The following LAMB4 variants were observed in gnomAD, a reference collection of about 807,000 sequenced individuals.
LAMB4 encodes laminin subunit beta 4, also known as laminin subunit beta-4.
Under a neutral mutation model 199.2 loss-of-function variants are expected in LAMB4, and 196 were observed. The ratio of observed to expected loss-of-function variants is 0.98; its 90% CI spans 0.88 to 1.11. The LOEUF (loss-of-function observed/expected upper bound fraction) is 1.11, where lower values mean the gene tolerates loss of function less well. Among genes scored for constraint, LAMB4 ranks in the 50% least tolerant of loss-of-function variants. The probability of loss-of-function intolerance (pLI) is 0.00; values close to 1 mark genes in which losing one functional copy is unlikely to be tolerated. For missense variants in LAMB4, 2,080 were observed against 2,171.2 expected (o/e 0.96, Z 0.83); for synonymous variants, 744 against 770.6 (o/e 0.97, Z 0.57).
chr7:108,094,574 TG>T (rs1421270038), intron 12 of LAMB4, among the ~76,000 whole-genome samples: 18 of 128,110 alleles, frequency 1.4e-4, no homozygotes, highest in Non-Finnish European at 3.5e-5. Flanking sequence ...TAAGATTTTG[TG>T]GGTTTTTTTT....
At position 108,065,852 on chromosome 7, in the gene LAMB4, C is replaced by T; in HGVS notation, c.2746G>A (p.Asp916Asn). 1 of 1,614,046 alleles carries T rather than the reference C, an allele frequency of 6.2e-7. No individual in the cohort carries two copies. Among genetic ancestry groups the T allele is most frequent in the Non-Finnish European group, 8.5e-7 (1 of 1,179,912 alleles). Residue 916 changes from aspartate (D) to asparagine (N), a missense_variant, in exon 21 of 34, where the codon GAT becomes AAT. Physicochemically the swap from Asp to Asn is conservative, Grantham distance 23. Coordinates refer to ENST00000388781, the MANE Select transcript of LAMB4 (RefSeq NM_007356.3). ...QPCRPCLCPDDPSSNQYFAHS... is the reference protein window; with the variant it reads ...QPCRPCLCPDNPSSNQYFAHS... ...GCAAAATACTGATTGCTTGAGGGAT[C>T]ATCTGGACACAGGCAAGGACGACAG... is the stretch of plus-strand genomic sequence containing the variant.
intron 10 of LAMB4, among the ~76,000 whole-genome samples, chr7:108,102,184 A>G (rs535159498): frequency 3.3e-5 from 5 of 152,240 alleles, no homozygotes; most frequent in Non-Finnish European, 5.9e-5. Context: ...AGAAAAATGA[A>G]CAAATAAGTT....
At position 108,107,648 on chromosome 7, in the gene LAMB4, G is replaced by A; in HGVS notation, c.574C>T (p.Pro192Ser). The part of the protein sequence containing the change: ...VCDSKYSDIE[P>S]STGGEVVLKV... ...AATGCTACCTCTCCACCTGTTGAGG[G>A]TTCAATATCCGAGTATTTGGAGTCA... is the stretch of plus-strand genomic sequence containing the variant. Residue 192 changes from proline to serine, a missense_variant, in exon 6 of 34, where the codon CCC (proline) becomes TCC (serine). Physicochemically the swap from Pro to Ser is moderately conservative, Grantham distance 74 (BLOSUM62 -1). Coordinates refer to ENST00000388781, the MANE Select transcript of LAMB4 (RefSeq NM_007356.3). 1 of 1,608,728 alleles carries A rather than the reference G, an allele frequency of 6.2e-7. No individual in the cohort carries two copies. Among genetic ancestry groups the A allele is most frequent in the Non-Finnish European group, 8.5e-7 (1 of 1,178,042 alleles).
At chr7:108,022,799 T>G (rs1295619227), downstream of LAMB4, among the ~76,000 whole-genome samples, 1 of 152,158 alleles carries the variant, frequency 6.6e-6, no homozygotes, top group Non-Finnish European at 1.5e-5. Flanking sequence ...GTTGAATTTT[T>G]AAATCTTTTT....
chr7:108,034,210 G>A lies in LAMB4; in HGVS notation c.4816C>T (p.Gln1606Ter). The change falls in exon 31 of 34, where the codon CAG (glutamine) becomes TAG (stop). Residue 1606 changes from glutamine (Q) to a stop codon, truncating the protein, a stop_gained and splice_region_variant. Coordinates refer to ENST00000388781, the MANE Select transcript of LAMB4 (RefSeq NM_007356.3). LOFTEE classifies it high-confidence loss of function. The part of the protein sequence containing the change: ...NITKIKKNVL[Q>*]AENQTREMKS... ...TTAGTTTCAAAGAAGACAAATACCT[G>A]CAGCACATTCTTTTTTATTTTTGTT... The A allele has an allele frequency of 6.2e-7, 1 of 1,613,924 alleles. No homozygotes were observed. Among genetic ancestry groups the A allele is most frequent in the Non-Finnish European group, 8.5e-7 (1 of 1,179,924 alleles).
intron 4 of LAMB4, among the ~76,000 whole-genome samples, chr7:108,111,313 A>G (rs2038215543): frequency 6.6e-6 from 1 of 152,262 alleles, no homozygotes; most frequent in Admixed American, 6.5e-5. Context: ...GGCATACTTC[A>G]GTCCGTAGCC....
chr7:108,092,422 G>C lies in LAMB4; in HGVS notation c.1471-6C>G. On this transcript the variant is annotated splice_polypyrimidine_tract_variant and splice_region_variant and intron_variant, in intron 12 of 33. Coordinates refer to ENST00000388781, the MANE Select transcript of LAMB4 (RefSeq NM_007356.3). Reference sequence around the variant, plus strand: ...CCCAGGCCCCAGTATCCAACCTACAGAGAAAAAATGCTCAGCTGATTCCAG... The same window carrying C: ...CCCAGGCCCCAGTATCCAACCTACACAGAAAAAATGCTCAGCTGATTCCAG... 3 of 1,611,032 alleles carry C rather than the reference G, an allele frequency of 1.9e-6. No homozygotes were observed. The East Asian group carries it at 6.7e-5, about 36-fold the overall frequency.
chr7:108,042,514 C>T (rs1469890275), intron 29 of LAMB4, among the ~76,000 whole-genome samples: 1 of 151,942 alleles, frequency 6.6e-6, no homozygotes, highest in Admixed American at 6.6e-5. Context: ...TTAGTTCAGC[C>T]TATTCCTAGA....
chr7:108,019,516 G>A (rs1340282661), downstream of LAMB4, among the ~76,000 whole-genome samples: 1 of 152,016 alleles, frequency 6.6e-6, no homozygotes, highest in Non-Finnish European at 1.5e-5. Context: ...GGATGTGGAC[G>A]TCTTTTGGGG....
intron 26 of LAMB4, among the ~76,000 whole-genome samples, chr7:108,051,238 T>C (rs922406459): frequency 2.0e-5 from 3 of 152,232 alleles, no homozygotes; most frequent in African/African-American, 7.2e-5. Context: ...TTGCTAGAAT[T>C]TGTTTCACTA....
At chr7:108,031,079 G>A (rs1487159097) in intron 31 of LAMB4, 100 bp from the exon 32 acceptor site, 3 of 909,862 alleles carry the variant, frequency 3.3e-6, no homozygotes, top group Non-Finnish European at 4.8e-6. Flanking sequence ...TGGGTGTAAA[G>A]GAAAAGAAAA....
chr7:108,123,856 G>A (rs1410894227), intron 1 of LAMB4, among the ~76,000 whole-genome samples: 1 of 152,150 alleles, frequency 6.6e-6, no homozygotes, highest in Non-Finnish European at 1.5e-5. Context: ...CTCCTATAAA[G>A]CAAACTTGTG....
intron 2 of LAMB4, among the ~76,000 whole-genome samples, chr7:108,121,414 C>T (rs2038592998): frequency 1.3e-5 from 2 of 152,128 alleles, no homozygotes; most frequent in South Asian, 2.1e-4. Context: ...GATGTAAACA[C>T]ATGTTTATAC....
the LAMB4 span, among the ~76,000 whole-genome samples, chr7:108,017,147 A>C: frequency 1.3e-5 from 2 of 152,334 alleles, no homozygotes; most frequent in South Asian, 4.1e-4. Flanking sequence ...TGGCAAGCTT[A>C]CTTTGTATCA....
At chr7:108,066,745 A>T in intron 19 of LAMB4, 145 bp from the exon 20 acceptor site, 1 of 576,102 alleles carries the variant, frequency 1.7e-6, no homozygotes, top group Non-Finnish European at 3.1e-6. Context: ...GCATATAATG[A>T]GTTCCAGGTA....
chr7:108,085,532 T>C (rs399290), intron 14 of LAMB4, among the ~76,000 whole-genome samples: 44,843 of 152,164 alleles, frequency 0.29, 7,922 homozygotes, highest in East Asian at 0.44. Context: ...TAAAGCTTTA[T>C]ATGTTAGTAC....
chr7:108,069,242 G>A (rs1477752919), intron 18 of LAMB4, among the ~76,000 whole-genome samples: 1 of 152,228 alleles, frequency 6.6e-6, no homozygotes, highest in African/African-American at 2.4e-5. Context: ...AGGATCTGCA[G>A]GGCTGCTGCT....
chr7:108,065,744 A>T lies in LAMB4; in HGVS notation c.2836+18T>A. 1.2e-6 allele frequency: 2 copies of T among 1,602,038 alleles called. No homozygotes were observed. Among genetic ancestry groups the T allele is most frequent in the Non-Finnish European group, 1.7e-6 (2 of 1,172,584 alleles). On this transcript the variant is annotated intron_variant, in intron 21 of 33. Transcript: ENST00000388781. Reference sequence around the variant, plus strand: ...TGGGATAAAGAGAAAAAATTGCATCAAGCACTATACTGCATACCCGTATAA... The same window carrying T: ...TGGGATAAAGAGAAAAAATTGCATCTAGCACTATACTGCATACCCGTATAA...
chr7:108,087,276 G>T (rs1019224435), intron 14 of LAMB4, among the ~76,000 whole-genome samples: 6 of 152,122 alleles, frequency 3.9e-5, no homozygotes, highest in Admixed American at 2.0e-4. Context: ...ATGAGGGCAG[G>T]CTCCATGTTT....
Sources: gnomAD v4.1 joint callset for allele counts (sites outside exome capture counted in the v4.1 genomes callset) on GRCh38, gnomAD v4.1.1 for gene constraint, MANE v1.5 for transcripts, NCBI Gene and HGNC (gene_info 2026-07-23, HGNC 2026-07-21) for gene names.